The following GALNTL6 variants were observed in gnomAD, a reference collection of about 807,000 sequenced individuals.
The protein encoded by GALNTL6 is polypeptide N-acetylgalactosaminyltransferase-like 6.
Under a neutral mutation model 73.7 loss-of-function variants are expected in GALNTL6, and 46 were observed. The ratio of observed to expected loss-of-function variants is 0.62; its 90% CI spans 0.49 to 0.80. The LOEUF is 0.80. Ranked by LOEUF, GALNTL6 falls within the 30% of genes least tolerant of loss-of-function variation. GALNTL6 has a pLI of 0.00. For synonymous variants in GALNTL6, 259 were observed against 263.7 expected, an observed-to-expected ratio of 0.98 and a Z score of 0.17; for missense variants, 604 against 755.0, an observed-to-expected ratio of 0.80 and a Z score of 2.34.
chr4:172,799,136 G>A (rs1002369508), intron 5 of GALNTL6, among the ~76,000 whole-genome samples: 3 of 152,282 alleles, frequency 2.0e-5, no homozygotes, highest in East Asian at 1.9e-4. Context: ...CTAAGAGCGG[G>A]CAGAGATCTC....
rs181029135 is a variant in GALNTL6 at position 172,033,679 on chromosome 4, A to G, written c.139-195977A>G. 2.0e-5 allele frequency among the ~76,000 whole-genome samples: 3 copies of G among 152,268 alleles called. No individual in the cohort carries two copies. The East Asian group carries it at 5.8e-4, about 29-fold the overall frequency. ...TATGAGAAAACTATAGAAATCATCAATTGTCCATGAATAAATTTGGATTGA... is the reference window on the plus strand; with the variant it reads ...TATGAGAAAACTATAGAAATCATCAGTTGTCCATGAATAAATTTGGATTGA... On this transcript the variant is annotated intron_variant, in intron 2 of 12. Transcript: ENST00000506823.
At chr4:171,912,719 C>T (rs192692594) in intron 2 of GALNTL6, among the ~76,000 whole-genome samples, 1 of 152,236 alleles carries the variant, frequency 6.6e-6, no homozygotes, top group East Asian at 1.9e-4. Flanking sequence ...CCCTTCCCAG[C>T]CTCTAGTAAC....
At chr4:172,293,747 A>T (rs903131445) in intron 3 of GALNTL6, among the ~76,000 whole-genome samples, 1 of 151,594 alleles carries the variant, frequency 6.6e-6, no homozygotes, top group Admixed American at 6.6e-5. Context: ...ATATATTACT[A>T]TACAAAACAT....
rs28628503 is a variant in GALNTL6 at position 172,865,258 on chromosome 4, G to A, written c.924-17532G>A. Among the ~76,000 whole-genome samples, 418 of 152,286 alleles carry A rather than the reference G, an allele frequency of 2.7e-3. 2 individuals carry two copies. The highest frequency in any genetic ancestry group is 9.0e-3 in the African/African-American group (376 of 41,564). ...TCATCTGGGTCTAGTGACCCATTCCGTAAAAATGCCAACACTGCACTATTT... is the reference window on the plus strand; with the variant it reads ...TCATCTGGGTCTAGTGACCCATTCCATAAAAATGCCAACACTGCACTATTT... On this transcript the variant is annotated intron_variant, in intron 7 of 12. Transcript: ENST00000506823.
At chr4:172,250,439 T>G (rs567919289) in intron 3 of GALNTL6, among the ~76,000 whole-genome samples, 16 of 152,286 alleles carry the variant, frequency 1.1e-4, no homozygotes, top group African/African-American at 3.8e-4. Context: ...TGTTTTAAAA[T>G]GTGAGGACAT....
chr4:172,810,890 G>C (rs68056477), intron 6 of GALNTL6, among the ~76,000 whole-genome samples: 3 of 151,892 alleles, frequency 2.0e-5, no homozygotes, highest in Non-Finnish European at 4.4e-5. Context: ...TCAGCAAAAG[G>C]CCTAATTTAT....
intron 2 of GALNTL6, among the ~76,000 whole-genome samples, chr4:171,833,669 A>C (rs994791782): frequency 2.0e-5 from 3 of 151,812 alleles, no homozygotes; most frequent in Admixed American, 6.6e-5. Flanking sequence ...TCTAAATCAT[A>C]ATATAATGTC....
intron 5 of GALNTL6, among the ~76,000 whole-genome samples, chr4:172,411,515 A>G (rs556974076): frequency 2.6e-5 from 4 of 152,216 alleles, no homozygotes; most frequent in South Asian, 2.1e-4. Context: ...AGAGGCTTTC[A>G]GTGAAATTGT....
At chr4:172,417,224 A>AT (rs1249352726) in intron 5 of GALNTL6, among the ~76,000 whole-genome samples, 2 of 151,496 alleles carry the variant, frequency 1.3e-5, no homozygotes, top group African/African-American at 2.4e-5. Context: ...TGAAAAAATC[A>AT]TTTTTTTTAA....
rs74845443 is a variant in GALNTL6, at chr4:172,084,866, G to T, written c.139-144790G>T. Among the ~76,000 whole-genome samples the T allele has an allele frequency of 8.2e-3, 1,252 of 152,242 alleles. 18 individuals are homozygous for T. Among genetic ancestry groups the T allele is most frequent in the African/African-American group, 0.028 (1,178 of 41,556 alleles). ...AGAATAGACACAGCCAGGAAGCACT[G>T]TCAGGATAGTATATGATGTTGTCAC... is the stretch of plus-strand genomic sequence containing the variant. On this transcript the variant is annotated intron_variant, in intron 2 of 12. Transcript: ENST00000506823.
chr4:172,439,686 C>G (rs1371114045), intron 5 of GALNTL6, among the ~76,000 whole-genome samples: 2 of 151,964 alleles, frequency 1.3e-5, no homozygotes, highest in Non-Finnish European at 2.9e-5. Context: ...TTATCTACAC[C>G]TCCATCTGGA....
intron 2 of GALNTL6, among the ~76,000 whole-genome samples, chr4:171,831,664 T>C (rs1488440798): frequency 1.3e-5 from 2 of 151,910 alleles, no homozygotes; most frequent in African/African-American, 4.8e-5. Flanking sequence ...TGTTCAGAAG[T>C]ATTAGAGGGA....
At chr4:172,931,322 G>A in intron 9 of GALNTL6, 54 bp downstream of exon 9, 1 of 1,035,350 alleles carries the variant, frequency 9.7e-7, no homozygotes, top group Non-Finnish European at 1.5e-6. Context: ...TCTGTAACCA[G>A]AGTAACCAAC....
intron 3 of GALNTL6, among the ~76,000 whole-genome samples, chr4:172,238,504 G>T (rs994089573): frequency 6.6e-6 from 1 of 152,078 alleles, no homozygotes; most frequent in African/African-American, 2.4e-5. Context: ...CATTGGCAGA[G>T]AATATGGGGT....
intron 2 of GALNTL6, among the ~76,000 whole-genome samples, chr4:172,117,729 G>A (rs1207676057): frequency 6.6e-6 from 1 of 152,068 alleles, no homozygotes; most frequent in Non-Finnish European, 1.5e-5. Context: ...GCAATGAAAA[G>A]CCAGAAATTA....
At chr4:171,951,295 A>G (rs1036044184) in intron 2 of GALNTL6, among the ~76,000 whole-genome samples, 3 of 152,124 alleles carry the variant, frequency 2.0e-5, no homozygotes, top group Non-Finnish European at 4.4e-5. Context: ...TTGACTCCAT[A>G]ATAATATAAC....
At chr4:172,198,915 T>C (rs1369450277) in intron 2 of GALNTL6, among the ~76,000 whole-genome samples, 1 of 152,192 alleles carries the variant, frequency 6.6e-6, no homozygotes, top group Non-Finnish European at 1.5e-5. Context: ...TTCACTTCTC[T>C]CTAATGATAG....
At chr4:171,939,169 C>T (rs920525141) in intron 2 of GALNTL6, among the ~76,000 whole-genome samples, 5 of 151,322 alleles carry the variant, frequency 3.3e-5, no homozygotes, top group African/African-American at 9.7e-5. Flanking sequence ...AGTGGATTTG[C>T]TTTATTTTAT....
chr4:172,855,291 A>C (rs1158670245), intron 7 of GALNTL6, among the ~76,000 whole-genome samples: 1 of 151,890 alleles, frequency 6.6e-6, no homozygotes, highest in South Asian at 2.1e-4. Context: ...AGTTTGTCTA[A>C]GTGGTAGAAA....
Sources: gnomAD v4.1 joint callset for allele counts (sites outside exome capture counted in the v4.1 genomes callset) on GRCh38, gnomAD v4.1.1 for gene constraint, MANE v1.5 for transcripts, NCBI Gene and HGNC (gene_info 2026-07-23, HGNC 2026-07-21) for gene names.